Variants in RIPOR3 observed in about 807,000 individuals in gnomAD.
RIPOR3 encodes family with sequence similarity 65 member C.
RIPOR3 carries 95 observed loss-of-function variants against 114.3 expected under a neutral mutation model. The ratio of observed to expected loss-of-function variants is 0.83; its 90% CI spans 0.70 to 0.99. The LOEUF (loss-of-function observed/expected upper bound fraction) is 0.99, where lower values mean the gene tolerates loss of function less well. Among genes scored for constraint, RIPOR3 ranks in the 50% least tolerant of loss-of-function variants. The pLI is 0.00. For missense variants in RIPOR3, 1,252 were observed against 1,266.9 expected (o/e 0.99, Z 0.18); for synonymous variants, 575 against 543.8 (o/e 1.06, Z -0.80).
chr20:50,667,242 T>G (rs1259318267), intron 1 of RIPOR3, among the ~76,000 whole-genome samples: 1 of 151,570 alleles, frequency 6.6e-6, no homozygotes, highest in Non-Finnish European at 1.5e-5. Flanking sequence ...GCCTTGTCCT[T>G]GAACATTTCA....
intron 19 of RIPOR3, among the ~76,000 whole-genome samples, chr20:50,590,550 C>T (rs1206082590): frequency 6.6e-6 from 1 of 152,186 alleles, no homozygotes; most frequent in Non-Finnish European, 1.5e-5. Flanking sequence ...AGGTGGCTCT[C>T]CAAAGTGTCT....
At chr20:50,650,445 G>A (rs961651672) in intron 1 of RIPOR3, among the ~76,000 whole-genome samples, 9 of 152,006 alleles carry the variant, frequency 5.9e-5, no homozygotes, top group Non-Finnish European at 1.2e-4. Context: ...TGGGACCACA[G>A]GTGTGCACCA....
rs1015815551 is a variant in RIPOR3 at position 50,608,422 on chromosome 20, C to T, written c.923G>A (p.Gly308Asp). Reference sequence around the variant, plus strand: ...CACCTCCAGCTGCAGCTTGATGGTACCCAACTCCGTGATGTCCACCACGAT... The same window carrying T: ...CACCTCCAGCTGCAGCTTGATGGTATCCAACTCCGTGATGTCCACCACGAT... ...QVIVVDITELGTIKLQLEVQW... is the reference protein window; with the variant it reads ...QVIVVDITELDTIKLQLEVQW... The change falls in exon 11 of 22, where the codon GGT (glycine) becomes GAT (aspartate). Residue 308 changes from glycine (G) to aspartate (D), a missense_variant. Transcript: ENST00000327979. 4 of 1,613,886 alleles carry T rather than the reference C, an allele frequency of 2.5e-6. No individual in the cohort carries two copies. The highest frequency in any genetic ancestry group is 3.4e-6 in the Non-Finnish European group (4 of 1,179,960).
intron 3 of RIPOR3, among the ~76,000 whole-genome samples, chr20:50,617,765 G>A (rs1288983301): frequency 6.6e-6 from 1 of 150,678 alleles, no homozygotes; most frequent in Non-Finnish European, 1.5e-5. Context: ...AGCTGGGATT[G>A]CAGGCATGCC....
intron 13 of RIPOR3, among the ~76,000 whole-genome samples, 159 bp from the exon 14 acceptor site, chr20:50,597,869 C>T: frequency 6.6e-6 from 1 of 152,224 alleles, no homozygotes; most frequent in East Asian, 1.9e-4. Flanking sequence ...TGGCCCAAGG[C>T]GTGGCACTGG....
At position 50,608,533 on chromosome 20, in the gene RIPOR3, A is replaced by C; in HGVS notation, c.812T>G (p.Val271Gly). The change falls in exon 11 of 22, where the codon GTG (valine) becomes GGG (glycine). Residue 271 changes from valine (V) to glycine (G), a missense_variant and splice_region_variant. By Grantham distance (109) the Val-to-Gly change is moderately radical. Transcript: ENST00000327979. ...CGAGCCCAGGCCCCGCAACTCCGTC[A>C]CCTGGGGGTGGGGGCTGGAGGGTGG... ...PTLHENLDIK[V>G]TELRGLGSLA... is the part of the protein sequence containing the mutation. 6.2e-7 allele frequency: 1 copy of C among 1,613,710 alleles called. No individual in the cohort carries two copies. The highest frequency in any genetic ancestry group is 8.5e-7 in the Non-Finnish European group (1 of 1,179,866).
In RIPOR3 at chr20:50,609,453, G is replaced by C. The variant is rs1158066755; in HGVS notation, c.577-97C>G. 2.6e-6 allele frequency: 4 copies of C among 1,511,328 alleles called. No homozygotes were observed. The African/African-American group carries it at 5.6e-5, about 21-fold the overall frequency. The allele number at this position is 1,511,328 out of a possible 1,614,324, so 93.6% of individuals were successfully genotyped here. A position where few individuals can be genotyped will look rare whatever the true frequency, so the allele number is the denominator to read the frequency against. On this transcript the variant is annotated intron_variant, in intron 7 of 21. Transcript: ENST00000327979. The stretch of plus-strand genomic sequence containing the variant: ...GCCAGACAGAGGCCACAGGCAGAGA[G>C]ACGCCTCCTTGGGGCCCAGAACACC...
intron 1 of RIPOR3, among the ~76,000 whole-genome samples, chr20:50,642,643 A>G (rs2085247202): frequency 6.6e-6 from 1 of 150,934 alleles, no homozygotes; most frequent in Non-Finnish European, 1.5e-5. Context: ...CTCCTCAGAA[A>G]TACCGTGAAT....
At chr20:50,626,190 G>A (rs2084612936) in intron 2 of RIPOR3, among the ~76,000 whole-genome samples, 1 of 152,262 alleles carries the variant, frequency 6.6e-6, no homozygotes, top group African/African-American at 2.4e-5. Flanking sequence ...GGAGCTCGAC[G>A]GAGACAGGAA....
Position 50,652,199 on chromosome 20 carries a change from T to C in RIPOR3, c.4-21343A>G, listed in dbSNP as rs1260418423. 2.0e-5 allele frequency among the ~76,000 whole-genome samples: 3 copies of C among 152,198 alleles called. No homozygotes were observed. The East Asian group carries it at 5.8e-4, about 29-fold the overall frequency. On this transcript the variant is annotated intron_variant, in intron 1 of 21. Transcript: ENST00000327979. ...GGGCCCAGGAAAAGGGTGGGTCCAG[T>C]CTCCCAGTTCTGTCCCTGGCATGTA...
At chr20:50,625,243 T>C (rs775307165) in intron 2 of RIPOR3, among the ~76,000 whole-genome samples, 1 of 152,170 alleles carries the variant, frequency 6.6e-6, no homozygotes. Context: ...GCTAATTTTT[T>C]GTAGTTTTGG....
In RIPOR3 at chr20:50,592,411, G is replaced by T. The variant is rs374361540; in HGVS notation, c.2510C>A (p.Pro837Gln). ...AGCGCTGGCCGCCCTGCACACCCTC[G>T]GAGTGCCGTCCAGCTGGAGCAGCGC... ...AWALLQLDGT[P>Q]RVCRAASARL... is the part of the protein sequence containing the mutation. The change falls in exon 19 of 22, where the codon CCG becomes CAG. Residue 837 changes from proline (P) to glutamine (Q), a missense_variant. Pro to Gln is a moderately conservative substitution (Grantham distance 76). Transcript: ENST00000327979. 6.2e-7 allele frequency: 1 copy of T among 1,611,774 alleles called. No individual in the cohort carries two copies.
chr20:50,609,626 C>G lies in RIPOR3; in HGVS notation c.523G>C (p.Ala175Pro), dbSNP rs768330829. The part of the protein sequence containing the change: ...RAFARCPPSR[A>P]ARESLQELGR... ...AGCTCCTGCAGGCTCTCTCGGGCTG[C>G]GCGGCTCGGGGGGCACCGGGCGAAG... The change falls in exon 7 of 22, where the codon GCA becomes CCA. Residue 175 changes from alanine (A) to proline (P), a missense_variant. By Grantham distance (27) the Ala-to-Pro change is conservative. Coordinates refer to ENST00000327979, the MANE Select transcript of RIPOR3 (RefSeq NM_001290268.2). 3.1e-5 allele frequency: 43 copies of G among 1,405,474 alleles called. No individual in the cohort carries two copies. The Middle Eastern group carries it at 1.1e-3, about 37-fold the overall frequency. The allele number at this position is 1,405,474 out of a possible 1,614,324, so 87.1% of individuals were successfully genotyped here.
chr20:50,624,742 G>A (rs6020642), intron 2 of RIPOR3, among the ~76,000 whole-genome samples: 5 of 152,144 alleles, frequency 3.3e-5, no homozygotes, highest in Admixed American at 6.5e-5. Flanking sequence ...GCTTCCAGAC[G>A]GGCACGTGCA....
Position 50,587,912 on chromosome 20 carries a change from A to G in RIPOR3, c.2662-20T>C. 1 of 1,613,390 alleles carries G rather than the reference A, an allele frequency of 6.2e-7. No individual in the cohort carries two copies. The highest frequency in any genetic ancestry group is 8.5e-7 in the Non-Finnish European group (1 of 1,179,574). The stretch of plus-strand genomic sequence containing the variant: ...AATGCCCTGTTCGAGATTAGGAGAA[A>G]AAGAACCCTTTAGGGGGCCTTCTCA... On this transcript the variant is annotated intron_variant, in intron 20 of 21. Transcript: ENST00000327979.
At chr20:50,592,779 C>G (rs1291547479) in intron 18 of RIPOR3, among the ~76,000 whole-genome samples, 1 of 152,218 alleles carries the variant, frequency 6.6e-6, no homozygotes, top group African/African-American at 2.4e-5. Flanking sequence ...ACAGCCCACA[C>G]TTCCAGGGAC....
intron 1 of RIPOR3, among the ~76,000 whole-genome samples, chr20:50,655,665 T>C (rs1209818211): frequency 2.1e-5 from 3 of 144,562 alleles, no homozygotes; most frequent in Non-Finnish European, 4.5e-5. Context: ...TCGGTTAGCG[T>C]GGGCTGTGTG....
chr20:50,589,874 A>C, intron 19 of RIPOR3, 105 bp from the exon 20 acceptor site: 1 of 936,118 alleles, frequency 1.1e-6, no homozygotes, highest in East Asian at 2.7e-5. Flanking sequence ...CGCTGTGCCC[A>C]TCTTTCTCTA....
chr20:50,632,803 CA>C (rs1268693397), intron 1 of RIPOR3, among the ~76,000 whole-genome samples: 1 of 152,228 alleles, frequency 6.6e-6, no homozygotes, highest in East Asian at 1.9e-4. Context: ...CCAGGAGCCC[CA>C]GCAGGGCACC....
Sources: allele counts gnomAD v4.1 joint callset (sites outside exome capture counted in the v4.1 genomes callset), GRCh38; gene constraint gnomAD v4.1.1; transcripts MANE v1.5; gene names NCBI Gene and HGNC (gene_info 2026-07-23, HGNC 2026-07-21).